The following UGT2B7 variants were observed in gnomAD, a reference collection of about 807,000 sequenced individuals.
The protein encoded by UGT2B7 is UDP-glucuronosyltransferase 2B7.
In UGT2B7, 51 loss-of-function variants were observed where a neutral mutation model predicts 51.9. The observed-to-expected ratio is 0.98, with a 90% confidence interval of 0.78 to 1.24. The LOEUF is 1.24. UGT2B7 is among the 50% of genes most tolerant of loss of function. UGT2B7 has a pLI of 0.00. For missense variants in UGT2B7, 727 were observed against 628.4 expected (o/e 1.16, Z -1.68); for synonymous variants, 225 against 211.6 (o/e 1.06, Z -0.55).
At position 69,112,786 on chromosome 4, in the gene UGT2B7, G is replaced by A; in HGVS notation, c.*50G>A. The A allele has an allele frequency of 6.5e-7, 1 of 1,529,216 alleles. No homozygotes were observed. Among genetic ancestry groups the A allele is most frequent in the African/African-American group, 1.4e-5 (1 of 69,832 alleles). 94.7% of individuals were successfully genotyped at this position (1,529,216 alleles called of 1,614,324 possible). A position where few individuals can be genotyped will look rare whatever the true frequency, so the allele number is the denominator to read the frequency against. ...AAACCTGATAGGTGAGACTACTTCA[G>A]TTTATTCCAGCAAGAAAGATTGTGA... On this transcript the variant is annotated 3_prime_UTR_variant, in exon 6 of 6. Coordinates refer to ENST00000305231, the MANE Select transcript of UGT2B7 (RefSeq NM_001074.4).
chr4:69,102,281 T>C lies in UGT2B7; in HGVS notation c.871-526T>C, dbSNP rs1560510424. Among the ~76,000 whole-genome samples the C allele has an allele frequency of 4.6e-5, 7 of 152,218 alleles. No individual in the cohort carries two copies. In the South Asian group the frequency reaches 1.2e-3, roughly 27 times the overall value. On this transcript the variant is annotated intron_variant, in intron 2 of 5. Coordinates refer to ENST00000305231, the MANE Select transcript of UGT2B7 (RefSeq NM_001074.4). ...CATTGTAGAGAAACATAAATGTAGA[T>C]ATAAAATTATCCCAACTGTGAGTAG...
chr4:69,070,418 A>G (rs1718575775), intron 1 of UGT2B7, among the ~76,000 whole-genome samples: 1 of 147,438 alleles, frequency 6.8e-6, no homozygotes. Context: ...AATTATATGG[A>G]ATATATGTGT....
At chr4:69,074,846 C>T (rs1197302900) in intron 1 of UGT2B7, among the ~76,000 whole-genome samples, 3 of 152,056 alleles carry the variant, frequency 2.0e-5, no homozygotes, top group African/African-American at 7.2e-5. Context: ...GGACATTCTT[C>T]CTTCATTTTA....
chr4:69,112,389 C>T (rs2109897449), intron 5 of UGT2B7, 68 bp from the exon 6 acceptor site: 1 of 1,546,556 alleles, frequency 6.5e-7, no homozygotes, highest in East Asian at 2.2e-5. Context: ...CCTTCTTTAA[C>T]TCGGTGTCTG....
chr4:69,097,720 A>C (rs2109884153), intron 1 of UGT2B7, among the ~76,000 whole-genome samples: 1 of 152,176 alleles, frequency 6.6e-6, no homozygotes, highest in African/African-American at 2.4e-5. Flanking sequence ...CCTTCACAGT[A>C]AAGAGAGATA....
intron 1 of UGT2B7, among the ~76,000 whole-genome samples, chr4:69,097,473 C>A (rs570282614): frequency 3.3e-5 from 5 of 152,178 alleles, no homozygotes; most frequent in South Asian, 4.1e-4. Context: ...AAATCATAAA[C>A]CTATACATTA....
At chr4:69,064,076 GAAAGAAAGAAAGAAAGAA>G (rs1718425094) in intron 1 of UGT2B7, among the ~76,000 whole-genome samples, 42 of 106,348 alleles carry the variant, frequency 3.9e-4, no homozygotes, top group Admixed American at 1.1e-3. Context: ...AAGAAAGAAA[GAAAGAAAGAAAGAAAGAA>G]AGAGAAAGAA....
intron 1 of UGT2B7, among the ~76,000 whole-genome samples, chr4:69,079,726 GC>G (rs1369226977): frequency 6.6e-6 from 1 of 152,070 alleles, no homozygotes; most frequent in African/African-American, 2.4e-5. Flanking sequence ...ATGAATACCT[GC>G]TTGGCCTCTC....
At chr4:69,059,107 C>T (rs1368509860) in intron 1 of UGT2B7, among the ~76,000 whole-genome samples, 5 of 152,180 alleles carry the variant, frequency 3.3e-5, no homozygotes, top group Non-Finnish European at 7.4e-5. Flanking sequence ...GATATGAGGA[C>T]TAGGACAGAC....
chr4:69,112,335 T>G, intron 5 of UGT2B7, 122 bp from the exon 6 acceptor site: 24 of 1,353,730 alleles, frequency 1.8e-5, no homozygotes, highest in Non-Finnish European at 1.8e-5. Flanking sequence ...GTTCAGCTCT[T>G]GAGAGAGGAG....
intron 1 of UGT2B7, among the ~76,000 whole-genome samples, chr4:69,072,676 G>A (rs1211232800): frequency 2.0e-5 from 3 of 151,988 alleles, no homozygotes; most frequent in African/African-American, 7.2e-5. Flanking sequence ...AAAGAGCAGG[G>A]TCTTGGGGGG....
At chr4:69,063,596 A>G (rs1718406639) in intron 1 of UGT2B7, among the ~76,000 whole-genome samples, 1 of 152,160 alleles carries the variant, frequency 6.6e-6, no homozygotes, top group Non-Finnish European at 1.5e-5. Context: ...GATTATGTGG[A>G]AAGTTGAGCC....
intron 2 of UGT2B7, among the ~76,000 whole-genome samples, chr4:69,101,964 T>C (rs1299857850): frequency 6.6e-6 from 1 of 152,152 alleles, no homozygotes; most frequent in Non-Finnish European, 1.5e-5. Context: ...AAAGTGATGA[T>C]GAGAGTTCCT....
chr4:69,089,763 A>C (rs1719044495), intron 2 of UGT2B7, among the ~76,000 whole-genome samples: 1 of 152,188 alleles, frequency 6.6e-6, no homozygotes, highest in African/African-American at 2.4e-5. Context: ...GGGCTCAACT[A>C]ATCATTTGCC....
At chr4:69,107,638 C>G (rs956755370) in intron 4 of UGT2B7, among the ~76,000 whole-genome samples, 1 of 152,096 alleles carries the variant, frequency 6.6e-6, no homozygotes, top group East Asian at 1.9e-4. Context: ...ACCAGTGACT[C>G]TGTATTTTCT....
At chr4:69,094,488 A>G (rs116604766), upstream of UGT2B7, among the ~76,000 whole-genome samples, 837 of 152,306 alleles carry the variant, frequency 5.5e-3, 5 homozygotes, top group African/African-American at 0.016. Context: ...ACACAATGCT[A>G]TAGCATATTA....
At chr4:69,059,046 A>G (rs983839103) in intron 1 of UGT2B7, among the ~76,000 whole-genome samples, 2 of 152,228 alleles carry the variant, frequency 1.3e-5, no homozygotes, top group Admixed American at 6.5e-5. Flanking sequence ...AGGGGCTGCC[A>G]CACCCAGGAG....
chr4:69,093,725 T>A (rs147801498), upstream of UGT2B7, among the ~76,000 whole-genome samples: 218 of 152,252 alleles, frequency 1.4e-3, 2 homozygotes, highest in African/African-American at 5.0e-3. Flanking sequence ...GAAAGAAGCA[T>A]GTTATTTGGG....
chr4:69,089,772 C>A (rs970025546), intron 2 of UGT2B7, among the ~76,000 whole-genome samples: 1 of 152,138 alleles, frequency 6.6e-6, no homozygotes. Flanking sequence ...TAATCATTTG[C>A]CTATGAATGC....
Sources: gnomAD v4.1 joint callset for allele counts (sites outside exome capture counted in the v4.1 genomes callset) on GRCh38, gnomAD v4.1.1 for gene constraint, MANE v1.5 for transcripts, NCBI Gene and HGNC (gene_info 2026-07-23, HGNC 2026-07-21) for gene names.